PFAS: variants seen among roughly 807,000 people sequenced by gnomAD.
The protein encoded by PFAS is phosphoribosylformylglycinamidine synthase, also known as FGAM synthase.
Under a neutral mutation model 140.6 loss-of-function variants are expected in PFAS, and 97 were observed. The observed-to-expected ratio is 0.69, with a 90% CI of 0.59 to 0.82. PFAS has a LOEUF of 0.82. Ranked by LOEUF, PFAS falls within the 40% of genes least tolerant of loss-of-function variation. PFAS has a pLI of 0.00. For synonymous variants in PFAS, 679 were observed against 718.8 expected (o/e 0.94, Z 0.88); for missense variants, 1,656 against 1,780.2 (o/e 0.93, Z 1.26).
At chr17:8,250,556 G>C (rs768031050) in intron 1 of PFAS, among the ~76,000 whole-genome samples, 10 of 152,176 alleles carry the variant, frequency 6.6e-5, no homozygotes, top group African/African-American at 2.4e-5. Context: ...TGAGTGGCAA[G>C]ACTAGGGGAA....
rs767258285 is a variant in PFAS at position 8,267,102 on chromosome 17, G to A, written c.3042G>A (p.Thr1014=). 25 of 1,613,682 alleles carry A rather than the reference G, an allele frequency of 1.5e-5. No homozygotes were observed. Among genetic ancestry groups the A allele is most frequent in the African/African-American group, 1.2e-4 (9 of 74,918 alleles). Residue 1014 remains threonine (T), a synonymous_variant, in exon 24 of 28, where the codon ACG becomes ACA. Coordinates refer to ENST00000314666, the MANE Select transcript of PFAS (RefSeq NM_012393.3). This position sits in a 1 kb window ranked among gnomAD's most constrained non-coding sequence, Gnocchi z 4.9. The stretch of plus-strand genomic sequence containing the variant: ...AGCTGCGAGCCCTCTGGGAGGAGAC[G>A]AGTTTCCAGCTGGACCGGCTACAGG... The part of the protein sequence containing the change: ...VGELRALWEE[T]SFQLDRLQAE...
In PFAS at chr17:8,264,482, C is replaced by T. The variant is rs1989729219; in HGVS notation, c.1930C>T (p.Gln644Ter). Residue 644 changes from glutamine to a stop codon, truncating the protein, a stop_gained, in exon 17 of 28, where the codon CAG becomes TAG. Coordinates refer to ENST00000314666, the MANE Select transcript of PFAS (RefSeq NM_012393.3). LOFTEE classifies it high-confidence loss of function. The stretch of plus-strand genomic sequence containing the variant: ...GTCTGTGTTGCAGGAGTTCTTCCTG[C>T]AGAGGAAGCCCCCCATGCTGCAGCC... ...GKMPRKEFFL[Q>*]RKPPMLQPLA... The T allele has an allele frequency of 1.2e-6, 2 of 1,613,598 alleles. No homozygotes were observed. Among genetic ancestry groups the T allele is most frequent in the South Asian group, 1.1e-5 (1 of 91,092 alleles).
At chr17:8,264,852 T>C (rs1375280241) in intron 17 of PFAS, 43 bp from the exon 18 acceptor site, 1 of 1,382,700 alleles carries the variant, frequency 7.2e-7, no homozygotes, top group Admixed American at 2.2e-5. Context: ...GCTCAGGCTG[T>C]CCCTGTCCCT....
chr17:8,267,512 G>T lies in PFAS; in HGVS notation c.3268-39G>T, dbSNP rs78410359. On this transcript the variant is annotated intron_variant, in intron 25 of 27. Transcript: ENST00000314666. The surrounding 1 kb of genome is among the most constrained non-coding windows in gnomAD (Gnocchi z 4.9). ...GGGGTGATTGTCCAGCCTCAGCTGC[G>T]TGTCCTCCCACCCACACTCCCCCTC... is the stretch of plus-strand genomic sequence containing the variant. 1.3e-6 allele frequency: 2 copies of T among 1,590,324 alleles called. No homozygotes were observed. Among genetic ancestry groups the T allele is most frequent in the African/African-American group, 2.7e-5 (2 of 74,496 alleles).
In PFAS at chr17:8,263,125, C is replaced by A. The variant is rs1365596580; in HGVS notation, c.1427C>A (p.Thr476Asn). ...TGCCCCCAGGTGCAGGGAGATAACA[C>A]CAGTGACCTGGACTTTGGGGCTGTG... is the stretch of plus-strand genomic sequence containing the variant. Reference protein sequence around the residue: ...ASSVQVQGDNTSDLDFGAVQR... With the variant: ...ASSVQVQGDNNSDLDFGAVQR... Residue 476 changes from threonine (T) to asparagine (N), a missense_variant, in exon 13 of 28, where the codon ACC becomes AAC. Thr to Asn is a moderately conservative substitution (Grantham distance 65). Coordinates refer to ENST00000314666, the MANE Select transcript of PFAS (RefSeq NM_012393.3). 6.2e-7 allele frequency: 1 copy of A among 1,614,040 alleles called. No homozygotes were observed.
chr17:8,267,623 G>T lies in PFAS; in HGVS notation c.3340G>T (p.Val1114Leu). The change falls in exon 26 of 28, where the codon GTG (valine) becomes TTG (leucine). Residue 1114 changes from valine (V) to leucine (L), a missense_variant. By Grantham distance (32) the Val-to-Leu change is conservative (BLOSUM62 1). Coordinates refer to ENST00000314666, the MANE Select transcript of PFAS (RefSeq NM_012393.3). The surrounding 1 kb of genome is among the most constrained non-coding windows in gnomAD (Gnocchi z 4.9). The part of the protein sequence containing the change: ...GLDTFRGVAF[V>L]GGFSYADVLG... Reference sequence around the variant, plus strand: ...GGACACTTTCCGTGGCGTGGCCTTCGTGGGCGGCTTCAGCTATGCAGATGT... The same window carrying T: ...GGACACTTTCCGTGGCGTGGCCTTCTTGGGCGGCTTCAGCTATGCAGATGT... 1 of 1,612,522 alleles carries T rather than the reference G, an allele frequency of 6.2e-7. No homozygotes were observed. The highest frequency in any genetic ancestry group is 8.5e-7 in the Non-Finnish European group (1 of 1,178,650).
At position 8,263,145 on chromosome 17, in the gene PFAS, G is replaced by A; in HGVS notation, c.1447G>A (p.Ala483Thr). Residue 483 changes from alanine to threonine, a missense_variant, in exon 13 of 28, where the codon GCT becomes ACT. Ala to Thr is a moderately conservative substitution (Grantham distance 58). Coordinates refer to ENST00000314666, the MANE Select transcript of PFAS (RefSeq NM_012393.3). ...TAACACCAGTGACCTGGACTTTGGG[G>A]CTGTGCAGCGAGGAGACCCGGAGAT... Reference protein sequence around the residue: ...GDNTSDLDFGAVQRGDPEMEQ... With the variant: ...GDNTSDLDFGTVQRGDPEMEQ... The A allele has an allele frequency of 6.2e-7, 1 of 1,614,076 alleles. No homozygotes were observed. Among genetic ancestry groups the A allele is most frequent in the Non-Finnish European group, 8.5e-7 (1 of 1,179,900 alleles).
rs1989969200 is a variant in PFAS at position 8,270,240 on chromosome 17, A to G, written c.*976A>G. 6.6e-6 allele frequency: 1 copy of G among 152,184 alleles called. No homozygotes were observed. The highest frequency in any genetic ancestry group is 1.5e-5 in the Non-Finnish European group (1 of 68,036). 9.4% of individuals were successfully genotyped at this position (152,184 alleles called of 1,614,324 possible). On this transcript the variant is annotated 3_prime_UTR_variant, in exon 28 of 28. Coordinates refer to ENST00000314666, the MANE Select transcript of PFAS (RefSeq NM_012393.3). Reference sequence around the variant, plus strand: ...CATCCCTAGATCCTAACCCTTTAGTATGCTGGAATTCTACTCTTCACTTAC... The same window carrying G: ...CATCCCTAGATCCTAACCCTTTAGTGTGCTGGAATTCTACTCTTCACTTAC...
chr17:8,262,613 G>T (rs921311975), intron 11 of PFAS: 18 of 301,200 alleles, frequency 6.0e-5, no homozygotes, highest in African/African-American at 3.3e-4. Context: ...GGCCAAGATG[G>T]TGAAACCCTG....
Position 8,254,029 on chromosome 17 carries a change from C to T in PFAS, c.92C>T (p.Pro31Leu). The T allele has an allele frequency of 6.2e-7, 1 of 1,614,126 alleles. No homozygotes were observed. The highest frequency in any genetic ancestry group is 8.5e-7 in the Non-Finnish European group (1 of 1,180,036). ...HTRRKLQGKL[P>L]ELQGVETELC... ...CGGAGGAAACTGCAAGGGAAACTGCCAGAGCTGCAGGGCGTCGAGACTGAA... is the reference window on the plus strand; with the variant it reads ...CGGAGGAAACTGCAAGGGAAACTGCTAGAGCTGCAGGGCGTCGAGACTGAA... The change falls in exon 2 of 28, where the codon CCA becomes CTA. Residue 31 changes from proline to leucine, a missense_variant. This residue lies in a region of PFAS where 773 missense variants were observed against 757.3 expected (regional missense o/e 1.02). Transcript: ENST00000314666.
intron 15 of PFAS, 74 bp downstream of exon 15, chr17:8,264,010 G>A (rs1989703755): frequency 6.4e-7 from 1 of 1,551,486 alleles, no homozygotes. Context: ...TAGAGGGAGA[G>A]CTGTCAAGGG....
chr17:8,263,787 A>T lies in PFAS; in HGVS notation c.1642A>T (p.Thr548Ser), dbSNP rs763414855. Residue 548 changes from threonine (T) to serine (S), a missense_variant, in exon 15 of 28, where the codon ACC (threonine) becomes TCC (serine). This residue lies in a region of PFAS where 773 missense variants were observed against 757.3 expected (regional missense o/e 1.02). Transcript: ENST00000314666. ...CGTGGCTGTGCAGCTTGGGGACCCA[A>T]CCCTGAATGCCCTGGAAATCTGGGG... ...YTSRFQLGDPTLNALEIWGAE... is the reference protein window; with the variant it reads ...YTSRFQLGDPSLNALEIWGAE... 1.9e-5 allele frequency: 31 copies of T among 1,613,740 alleles called. No homozygotes were observed. The highest frequency in any genetic ancestry group is 2.5e-5 in the Non-Finnish European group (29 of 1,179,906).
At chr17:8,258,253 A>T (rs1011140787) in intron 11 of PFAS, 54 bp downstream of exon 11, 1 of 1,602,476 alleles carries the variant, frequency 6.2e-7, no homozygotes, top group African/African-American at 1.3e-5. Context: ...CCAGCACAGG[A>T]TGGCTACAGG....
Position 8,255,079 on chromosome 17 carries a change from A to T in PFAS, c.331A>T (p.Thr111Ser), listed in dbSNP as rs2151578020. The change falls in exon 4 of 28, where the codon ACT becomes TCT. Residue 111 changes from threonine (T) to serine (S), a missense_variant. Around this residue, in one of 2 missense-constraint regions of PFAS, gnomAD observed 773 missense variants for 757.3 expected, o/e 1.02. Coordinates refer to ENST00000314666, the MANE Select transcript of PFAS (RefSeq NM_012393.3). ...CAACATCGTGTCAGTGTGCCGCGCC[A>T]CTGGGCTGGGGCCTGTGGATCGTGT... ...STNIVSVCRATGLGPVDRVET... is the reference protein window; with the variant it reads ...STNIVSVCRASGLGPVDRVET... 6.2e-7 allele frequency: 1 copy of T among 1,613,816 alleles called. No individual in the cohort carries two copies. Among genetic ancestry groups the T allele is most frequent in the Middle Eastern group, 1.6e-4 (1 of 6,062 alleles).
At position 8,263,139 on chromosome 17, in the gene PFAS, T is replaced by C. The variant is rs1248644154; in HGVS notation, c.1441T>C (p.Phe481Leu). 2 of 1,614,066 alleles carry C rather than the reference T, an allele frequency of 1.2e-6. No homozygotes were observed. Among genetic ancestry groups the C allele is most frequent in the Non-Finnish European group, 1.7e-6 (2 of 1,179,930 alleles). ...VQGDNTSDLDFGAVQRGDPEM... is the reference protein window; with the variant it reads ...VQGDNTSDLDLGAVQRGDPEM... ...GGGAGATAACACCAGTGACCTGGAC[T>C]TTGGGGCTGTGCAGCGAGGAGACCC... is the stretch of plus-strand genomic sequence containing the variant. Residue 481 changes from phenylalanine to leucine, a missense_variant, in exon 13 of 28, where the codon TTT becomes CTT. Physicochemically the swap from Phe to Leu is conservative, Grantham distance 22. This residue lies in a region of PFAS where 773 missense variants were observed against 757.3 expected (regional missense o/e 1.02). Coordinates refer to ENST00000314666, the MANE Select transcript of PFAS (RefSeq NM_012393.3).
At chr17:8,252,545 A>AGGCACGCATC (rs1165228908) in intron 1 of PFAS, among the ~76,000 whole-genome samples, 1 of 150,814 alleles carries the variant, frequency 6.6e-6, no homozygotes, top group African/African-American at 2.4e-5. Context: ...CTGTGATTAC[A>AGGCACGCATC]GGCACGCATC....
chr17:8,257,106 T>C (rs1989400930), intron 9 of PFAS, 143 bp downstream of exon 9: 1 of 878,368 alleles, frequency 1.1e-6, no homozygotes, highest in Admixed American at 2.0e-5. Context: ...GGCCTTTCAC[T>C]AACTATGGTC....
chr17:8,255,040 A>C lies in PFAS; in HGVS notation c.292A>C (p.Thr98Pro), dbSNP rs775362335. ...LEVGPRLNFSTPTSTNIVSVC... is the reference protein window; with the variant it reads ...LEVGPRLNFSPPTSTNIVSVC... ...CCCATTGTTCAGGCTGAACTTCTCC[A>C]CCCCAACATCCACCAACATCGTGTC... Residue 98 changes from threonine to proline, a missense_variant, in exon 4 of 28, where the codon ACC becomes CCC. Physicochemically the swap from Thr to Pro is conservative, Grantham distance 38. Coordinates refer to ENST00000314666, the MANE Select transcript of PFAS (RefSeq NM_012393.3). The C allele has an allele frequency of 6.2e-7, 1 of 1,613,316 alleles. No individual in the cohort carries two copies. The highest frequency in any genetic ancestry group is 8.5e-7 in the Non-Finnish European group (1 of 1,179,708).
chr17:8,269,710 A>C lies in PFAS; in HGVS notation c.*446A>C. The C allele has an allele frequency of 6.0e-6, 1 of 166,450 alleles. No homozygotes were observed. Among genetic ancestry groups the C allele is most frequent in the Non-Finnish European group, 1.3e-5 (1 of 76,192 alleles). The allele number at this position is 166,450 out of a possible 1,614,324, so 10.3% of individuals were successfully genotyped here. A position where few individuals can be genotyped will look rare whatever the true frequency, so the allele number is the denominator to read the frequency against. On this transcript the variant is annotated 3_prime_UTR_variant, in exon 28 of 28. Coordinates refer to ENST00000314666, the MANE Select transcript of PFAS (RefSeq NM_012393.3). ...ATAGTATGCAGATCAGCCCCTCACC[A>C]CCTCATTGTTCTCATCTGGAACTGA... is the stretch of plus-strand genomic sequence containing the variant.
Sources: allele counts gnomAD v4.1 joint callset (sites outside exome capture counted in the v4.1 genomes callset), GRCh38; gene constraint gnomAD v4.1.1; regional missense constraint gnomAD v4.1.1; non-coding constraint Gnocchi (gnomAD v3.1); transcripts MANE v1.5; gene names NCBI Gene and HGNC (gene_info 2026-07-23, HGNC 2026-07-21).